The following SLCO5A1 variants were observed in gnomAD, a reference collection of about 807,000 sequenced individuals.
SLCO5A1 encodes organic anion transporter polypeptide-related protein 4.
A neutral mutation model predicts 65.1 loss-of-function variants in SLCO5A1; 39 were observed. The observed-to-expected ratio is 0.60, with a 90% CI of 0.46 to 0.78. SLCO5A1 has a LOEUF of 0.78. Among genes scored for constraint, SLCO5A1 ranks in the 30% least tolerant of loss-of-function variants. The pLI is 0.00. For missense variants in SLCO5A1, 1,029 were observed against 1,069.4 expected (o/e 0.96, Z 0.53); for synonymous variants, 438 against 415.7 (o/e 1.05, Z -0.65).
intron 5 of SLCO5A1, among the ~76,000 whole-genome samples, chr8:69,713,236 C>A (rs1225870095): frequency 6.6e-6 from 1 of 152,168 alleles, no homozygotes; most frequent in Non-Finnish European, 1.5e-5. Flanking sequence ...TTTCACTGCC[C>A]TTTCTGTGTT....
chr8:69,704,360 A>C (rs998726311), intron 6 of SLCO5A1, among the ~76,000 whole-genome samples: 53 of 152,258 alleles, frequency 3.5e-4, no homozygotes, highest in African/African-American at 1.2e-3. Flanking sequence ...AAAGCACTTA[A>C]GAGAATGCTC....
At chr8:69,804,209 A>C (rs1819884615) in intron 2 of SLCO5A1, among the ~76,000 whole-genome samples, 1 of 152,228 alleles carries the variant, frequency 6.6e-6, no homozygotes, top group Non-Finnish European at 1.5e-5. Context: ...AAAGGGCATA[A>C]GATAAAACCA....
At chr8:69,798,025 C>G (rs961803532) in intron 2 of SLCO5A1, among the ~76,000 whole-genome samples, 5 of 152,136 alleles carry the variant, frequency 3.3e-5, no homozygotes, top group African/African-American at 1.2e-4. Context: ...TGATGTCTCC[C>G]CCGGACACCC....
intron 2 of SLCO5A1, among the ~76,000 whole-genome samples, chr8:69,783,584 A>G (rs961359363): frequency 1.3e-5 from 2 of 152,062 alleles, no homozygotes; most frequent in South Asian, 4.1e-4. Context: ...TGTCAATTTT[A>G]TGGTTAAGTG....
In SLCO5A1 at chr8:69,743,864, C is replaced by G. The variant is rs16936401; in HGVS notation, c.1259-5660G>C. 7.4e-3 allele frequency among the ~76,000 whole-genome samples: 1,126 copies of G among 152,256 alleles called. 22 individuals are homozygous for G. Among genetic ancestry groups the G allele is most frequent in the African/African-American group, 0.023 (967 of 41,548 alleles). The stretch of plus-strand genomic sequence containing the variant: ...CCAAAAACCCCTTGGCTTTGTTTCC[C>G]TTGGAGTGTTTGCATTGGAGACTAT... On this transcript the variant is annotated intron_variant, in intron 4 of 9. Coordinates refer to ENST00000260126, the MANE Select transcript of SLCO5A1 (RefSeq NM_030958.3).
chr8:69,703,047 G>A (rs1465578298), intron 6 of SLCO5A1, among the ~76,000 whole-genome samples: 6 of 150,894 alleles, frequency 4.0e-5, no homozygotes, highest in African/African-American at 1.5e-4. Flanking sequence ...GGAGGTTGAG[G>A]CTGCAGTGAG....
chr8:69,691,537 CT>C (rs1381151410), intron 6 of SLCO5A1, among the ~76,000 whole-genome samples: 1 of 152,210 alleles, frequency 6.6e-6, no homozygotes, highest in Non-Finnish European at 1.5e-5. Context: ...ACCATTCTAG[CT>C]CTTTGAGTCT....
chr8:69,744,732 T>C (rs1356154903), intron 4 of SLCO5A1, among the ~76,000 whole-genome samples: 2 of 152,248 alleles, frequency 1.3e-5, no homozygotes, highest in Non-Finnish European at 2.9e-5. Context: ...CAATAATTTG[T>C]ACTAAAGCAA....
intron 2 of SLCO5A1, among the ~76,000 whole-genome samples, chr8:69,815,647 AACACAC>A (rs55665513): frequency 0.048 from 6,822 of 141,248 alleles, 421 homozygotes; most frequent in African/African-American, 0.15. Flanking sequence ...GTAAAATATC[AACACAC>A]ACACACACAC....
chr8:69,756,826 A>C (rs2130860048), intron 3 of SLCO5A1, among the ~76,000 whole-genome samples: 1 of 152,330 alleles, frequency 6.6e-6, no homozygotes, highest in Admixed American at 6.5e-5. Context: ...CCGTGGGGCA[A>C]TTTCTCAGTT....
rs771040945 is a variant in SLCO5A1, at chr8:69,672,604, G to C, written c.*265C>G. 4 of 478,024 alleles carry C rather than the reference G, an allele frequency of 8.4e-6. No homozygotes were observed. Among genetic ancestry groups the C allele is most frequent in the Non-Finnish European group, 1.5e-5 (4 of 268,274 alleles). The allele number at this position is 478,024 out of a possible 1,614,324, so 29.6% of individuals were successfully genotyped here. A position where few individuals can be genotyped will look rare whatever the true frequency, so the allele number is the denominator to read the frequency against. On this transcript the variant is annotated 3_prime_UTR_variant, in exon 10 of 10. Coordinates refer to ENST00000260126, the MANE Select transcript of SLCO5A1 (RefSeq NM_030958.3). ...GTGTACCTCAGCCTGTACCGTAGGG[G>C]AGCATGAGCTTTGAATTAACACAAC... is the stretch of plus-strand genomic sequence containing the variant.
chr8:69,742,554 G>T (rs1816830262), intron 4 of SLCO5A1, among the ~76,000 whole-genome samples: 1 of 152,064 alleles, frequency 6.6e-6, no homozygotes, highest in African/African-American at 2.4e-5. Context: ...AATTTAAGGT[G>T]GTCTATACTC....
intron 2 of SLCO5A1, among the ~76,000 whole-genome samples, chr8:69,799,320 A>G (rs185941533): frequency 1.3e-5 from 2 of 152,340 alleles, no homozygotes; most frequent in East Asian, 1.9e-4. Context: ...ATATCCCACA[A>G]ATGGGAACTT....
chr8:69,720,681 T>G (rs1389996717), intron 5 of SLCO5A1, among the ~76,000 whole-genome samples: 1 of 152,246 alleles, frequency 6.6e-6, no homozygotes, highest in Non-Finnish European at 1.5e-5. Context: ...TACTACCTCA[T>G]GAAATAAAGT....
intron 2 of SLCO5A1, among the ~76,000 whole-genome samples, chr8:69,776,564 T>A (rs564434718): frequency 1.3e-5 from 2 of 152,194 alleles, no homozygotes; most frequent in South Asian, 4.1e-4. Context: ...ATGACATGCA[T>A]CTGTAGTCCC....
At chr8:69,783,837 T>G (rs1182853484) in intron 2 of SLCO5A1, among the ~76,000 whole-genome samples, 1 of 152,204 alleles carries the variant, frequency 6.6e-6, no homozygotes, top group Non-Finnish European at 1.5e-5. Context: ...GATACATCAT[T>G]ATACATTTGT....
At chr8:69,699,688 T>G (rs143971193) in intron 6 of SLCO5A1, among the ~76,000 whole-genome samples, 29 of 152,216 alleles carry the variant, frequency 1.9e-4, no homozygotes, top group Admixed American at 8.5e-4. Flanking sequence ...AGTTAGGCAC[T>G]TATAGGACAC....
intron 6 of SLCO5A1, among the ~76,000 whole-genome samples, chr8:69,703,883 A>G (rs561129511): frequency 2.0e-5 from 3 of 152,266 alleles, no homozygotes; most frequent in African/African-American, 7.2e-5. Flanking sequence ...ACTATTATCA[A>G]TGCTCTTGCC....
At chr8:69,767,683 A>G (rs1182761912) in intron 2 of SLCO5A1, among the ~76,000 whole-genome samples, 1 of 151,572 alleles carries the variant, frequency 6.6e-6, no homozygotes, top group African/African-American at 2.4e-5. Flanking sequence ...TGAGGTCAGG[A>G]GTTCGAGACC....
Sources: allele counts gnomAD v4.1 joint callset (sites outside exome capture counted in the v4.1 genomes callset), GRCh38; gene constraint gnomAD v4.1.1; transcripts MANE v1.5; gene names NCBI Gene and HGNC (gene_info 2026-07-23, HGNC 2026-07-21).